The following PLA2G4C variants were observed in gnomAD, a reference collection of about 807,000 sequenced individuals.
PLA2G4C encodes phospholipase A2 group IVC.
PLA2G4C carries 64 observed loss-of-function variants against 73.8 expected under a neutral mutation model. The ratio of observed to expected loss-of-function variants is 0.87; its 90% CI spans 0.71 to 1.07. The LOEUF (loss-of-function observed/expected upper bound fraction) is 1.07, where lower values mean the gene tolerates loss of function less well. Ranked by LOEUF, PLA2G4C falls within the 50% of genes least tolerant of loss-of-function variation. The pLI, the probability that PLA2G4C is intolerant of heterozygous loss-of-function variation, is 0.00. For synonymous variants in PLA2G4C, 254 were observed against 252.1 expected, an observed-to-expected ratio of 1.01 and a Z score of -0.07; for missense variants, 622 against 665.4, an observed-to-expected ratio of 0.93 and a Z score of 0.72.
intron 4 of PLA2G4C, 172 bp downstream of exon 4, chr19:48,104,416 T>C (rs1600261213): frequency 3.3e-6 from 2 of 608,784 alleles, no homozygotes; most frequent in South Asian, 2.1e-5. Context: ...TGGAATCTGA[T>C]GTGAACTCCA....
intron 10 of PLA2G4C, among the ~76,000 whole-genome samples, chr19:48,079,496 T>C (rs1377059164): frequency 2.0e-5 from 3 of 152,176 alleles, no homozygotes; most frequent in Non-Finnish European, 4.4e-5. Flanking sequence ...TCGATCCTTA[T>C]TTCTCACCTT....
chr19:48,052,987 T>C lies in PLA2G4C; in HGVS notation c.1580+10A>G. On this transcript the variant is annotated intron_variant, in intron 16 of 16. Coordinates refer to ENST00000599921, the MANE Select transcript of PLA2G4C (RefSeq NM_003706.3). ...CATAGGCATCAGAGCGACTATGGTCTCCCACCTACCCGGCCACGTTCATCA... is the reference window on the plus strand; with the variant it reads ...CATAGGCATCAGAGCGACTATGGTCCCCCACCTACCCGGCCACGTTCATCA... 6.3e-7 allele frequency: 1 copy of C among 1,599,628 alleles called. No individual in the cohort carries two copies. The highest frequency in any genetic ancestry group is 8.6e-7 in the Non-Finnish European group (1 of 1,168,776).
chr19:48,057,123 T>C (rs1967972403), intron 14 of PLA2G4C, among the ~76,000 whole-genome samples: 1 of 152,140 alleles, frequency 6.6e-6, no homozygotes, highest in African/African-American at 2.4e-5. Flanking sequence ...CTTGAACCCC[T>C]GAACTTAAAA....
rs11564526 is a variant in PLA2G4C at position 48,104,762 on chromosome 19, C to G, written c.121-38G>C. On this transcript the variant is annotated intron_variant, in intron 3 of 16. Transcript: ENST00000599921. ...GAGAAAATCGATCAGAGGTTTAGAG[C>G]CTGAGGATGGAGGTGGGAACAAGAA... The G allele has an allele frequency of 4.2e-5, 68 of 1,607,556 alleles. 1 individual carries two copies. In the South Asian group the frequency reaches 6.6e-4, roughly 16 times the overall value.
Position 48,085,051 on chromosome 19 carries a change from ATACT to A in PLA2G4C, c.844+4_844+7del, listed in dbSNP as rs1831224873. On this transcript the variant is annotated splice_donor_5th_base_variant and intron_variant, in intron 10 of 16. Coordinates refer to ENST00000599921, the MANE Select transcript of PLA2G4C (RefSeq NM_003706.3). ...AGGCTTTGACCTTTCTGTTCCCCAA[ATACT>A]CACCAAAAATAAGGTGTCCAATGCT... The A allele has an allele frequency of 6.2e-7, 1 of 1,601,540 alleles. No individual in the cohort carries two copies. Among genetic ancestry groups the A allele is most frequent in the South Asian group, 1.1e-5 (1 of 90,802 alleles).
chr19:48,079,717 A>C (rs1235214668), intron 10 of PLA2G4C, among the ~76,000 whole-genome samples: 1 of 152,248 alleles, frequency 6.6e-6, no homozygotes, highest in Non-Finnish European at 1.5e-5. Context: ...CACGCCTGTA[A>C]TCCTGGCACT....
chr19:48,097,424 T>C (rs1264865348), intron 6 of PLA2G4C, among the ~76,000 whole-genome samples: 6 of 150,934 alleles, frequency 4.0e-5, no homozygotes, highest in African/African-American at 1.5e-4. Context: ...AGCTAATTTT[T>C]TGTATTTTTA....
chr19:48,069,344 C>T (rs1968571450), intron 12 of PLA2G4C, among the ~76,000 whole-genome samples: 1 of 152,128 alleles, frequency 6.6e-6, no homozygotes. Context: ...GAGAACGACG[C>T]AGAATGTTCC....
In PLA2G4C at chr19:48,088,260, G is replaced by A. The variant is rs190590779; in HGVS notation, c.790+426C>T. 5.4e-3 allele frequency among the ~76,000 whole-genome samples: 820 copies of A among 151,974 alleles called. 6 individuals carry two copies. Among genetic ancestry groups the A allele is most frequent in the Middle Eastern group, 0.048 (14 of 294 alleles). On this transcript the variant is annotated intron_variant, in intron 9 of 16. Coordinates refer to ENST00000599921, the MANE Select transcript of PLA2G4C (RefSeq NM_003706.3). ...CCAGCATATGAGAAAGCCATCACAC[G>A]AAGACTCCCTATATCCAAGGAACTC...
chr19:48,058,618 G>C (rs932297478), intron 14 of PLA2G4C, among the ~76,000 whole-genome samples: 2 of 152,040 alleles, frequency 1.3e-5, no homozygotes, highest in Non-Finnish European at 2.9e-5. Flanking sequence ...AGGAGTTCAA[G>C]ACCAGCCTGG....
At chr19:48,077,015 G>A (rs1334282733) in intron 11 of PLA2G4C, among the ~76,000 whole-genome samples, 4 of 151,974 alleles carry the variant, frequency 2.6e-5, no homozygotes, top group African/African-American at 9.7e-5. Flanking sequence ...CTTGTTCTCC[G>A]TACTCCCACC....
At chr19:48,097,547 C>T (rs1254456279) in intron 6 of PLA2G4C, among the ~76,000 whole-genome samples, 3 of 151,578 alleles carry the variant, frequency 2.0e-5, no homozygotes, top group South Asian at 2.1e-4. Context: ...CCACTGCGCC[C>T]GGCCCCTTTT....
At chr19:48,077,463 A>G (rs2030242454) in intron 11 of PLA2G4C, among the ~76,000 whole-genome samples, 1 of 152,152 alleles carries the variant, frequency 6.6e-6, no homozygotes, top group Non-Finnish European at 1.5e-5. Context: ...ACAAATGGAA[A>G]CACATCCCAT....
intron 1 of PLA2G4C, 81 bp from the exon 2 acceptor site, chr19:48,106,642 C>T (rs748507106): frequency 3.9e-5 from 43 of 1,094,536 alleles, no homozygotes; most frequent in East Asian, 7.1e-5. Flanking sequence ...GGGACTGTCA[C>T]GGGCTCATGG....
At chr19:48,101,126 A>ATATATATATATTT (rs1491313107) in intron 4 of PLA2G4C, among the ~76,000 whole-genome samples, 4 of 74,154 alleles carry the variant, frequency 5.4e-5, no homozygotes, top group African/African-American at 2.6e-4. Context: ...ATATATATAT[A>ATATATATATATTT]TTTTTTTTTT....
chr19:48,097,820 T>C, intron 6 of PLA2G4C: 1 of 270,998 alleles, frequency 3.7e-6, no homozygotes, highest in Non-Finnish European at 6.9e-6. Flanking sequence ...GATCTCACTA[T>C]GTTGCCCAGG....
intron 1 of PLA2G4C, 66 bp downstream of exon 1, chr19:48,110,421 A>G (rs959522440): frequency 1.4e-5 from 15 of 1,065,610 alleles, no homozygotes; most frequent in Non-Finnish European, 2.0e-5. Context: ...ATTGCACCCA[A>G]TCCCTGGTAC....
At chr19:48,082,968 T>C (rs1318731504) in intron 10 of PLA2G4C, among the ~76,000 whole-genome samples, 11 of 151,520 alleles carry the variant, frequency 7.3e-5, no homozygotes, top group African/African-American at 2.4e-4. Context: ...CGCCCGCCAC[T>C]ACGCCCGGCT....
chr19:48,104,805 G>T, intron 3 of PLA2G4C, 81 bp from the exon 4 acceptor site: 1 of 1,398,226 alleles, frequency 7.2e-7, no homozygotes, highest in Non-Finnish European at 9.9e-7. Flanking sequence ...ACCTGGGGCC[G>T]GGCACCGTGG....
Sources: allele counts gnomAD v4.1 joint callset (sites outside exome capture counted in the v4.1 genomes callset), GRCh38; gene constraint gnomAD v4.1.1; transcripts MANE v1.5; gene names NCBI Gene and HGNC (gene_info 2026-07-23, HGNC 2026-07-21).